TENM1: variants seen among roughly 807,000 people sequenced by gnomAD.
TENM1 encodes the protein teneurin transmembrane protein 1, also known as teneurin-1.
TENM1 carries 35 observed loss-of-function variants against 174.8 expected under a neutral mutation model. That is an observed-to-expected ratio of 0.20 (90% CI 0.15 to 0.27). The LOEUF is 0.27. TENM1 is among the 10% of genes least tolerant of loss of function. TENM1 has a pLI of 1.00. For missense variants in TENM1, 1,633 were observed against 2,130.1 expected (o/e 0.77, Z 4.59); for synonymous variants, 781 against 798.7 (o/e 0.98, Z 0.37).
the TENM1 span, among the ~76,000 whole-genome samples, chrX:125,200,615 A>G: frequency 2.0e-5 from 2 of 102,128 alleles, no homozygotes; most frequent in Non-Finnish European, 4.0e-5. Context: ...CAAGGCATTC[A>G]CAAGCAATTG....
At chrX:124,485,846 C>T (rs960117688) in intron 21 of TENM1, among the ~76,000 whole-genome samples, 1 of 111,759 alleles carries the variant, frequency 8.9e-6, no homozygotes, top group Non-Finnish European at 1.9e-5. Flanking sequence ...TCAGAATACT[C>T]TTGCTCTGAA....
Position 124,406,425 on chromosome X carries a change from T to C in TENM1, c.5047A>G (p.Ser1683Gly). The C allele has an allele frequency of 1.7e-6, 2 of 1,209,010 alleles. No homozygotes were observed. The highest frequency in any genetic ancestry group is 4.6e-4 in the Middle Eastern group (2 of 4,309). The change falls in exon 26 of 32, where the codon AGT becomes GGT. Residue 1683 changes from serine (S) to glycine (G), a missense_variant. Coordinates refer to ENST00000422452, the Ensembl canonical transcript of TENM1. ...ACTTTTGTCAGCTTCTCCAGGTCAC[T>C]GTGGAAGCTGCTGACCTCTCCAGTG...
chrX:124,959,970 A>G (rs2058630766), intron 1 of TENM1, among the ~76,000 whole-genome samples: 1 of 111,469 alleles, frequency 9.0e-6, no homozygotes, highest in African/African-American at 3.3e-5. Flanking sequence ...CCTGCATCCC[A>G]TTATTTCCAG....
chrX:124,800,130 G>A (rs192404379), intron 3 of TENM1, among the ~76,000 whole-genome samples: 1 of 111,803 alleles, frequency 8.9e-6, no homozygotes, highest in African/African-American at 3.2e-5. Flanking sequence ...ATGAGTTAGG[G>A]TGGAGTCCCT....
chrX:124,544,054 G>A (rs1475202935), intron 15 of TENM1, among the ~76,000 whole-genome samples: 1 of 112,915 alleles, frequency 8.9e-6, no homozygotes, highest in Non-Finnish European at 1.9e-5. Context: ...TTGCCGGTAG[G>A]CAAACAAGCC....
At chrX:124,574,998 A>G (rs1195106666) in intron 11 of TENM1, among the ~76,000 whole-genome samples, 1 of 112,388 alleles carries the variant, frequency 8.9e-6, no homozygotes, top group African/African-American at 3.2e-5. Flanking sequence ...ACTATAAGTC[A>G]CTGTTAACTT....
intron 3 of TENM1, among the ~76,000 whole-genome samples, chrX:124,807,167 T>C (rs922159113): frequency 9.0e-6 from 1 of 111,731 alleles, no homozygotes; most frequent in African/African-American, 3.3e-5. Flanking sequence ...AGGATGGTGC[T>C]AAGTCATTCA....
the TENM1 span, among the ~76,000 whole-genome samples, chrX:125,103,633 C>A: frequency 8.9e-6 from 1 of 112,548 alleles, no homozygotes; most frequent in East Asian, 2.8e-4. Flanking sequence ...AAGCATCTTT[C>A]TACAACTCAA....
the TENM1 span, among the ~76,000 whole-genome samples, chrX:125,131,802 C>T: frequency 7.1e-5 from 8 of 111,896 alleles, no homozygotes; most frequent in Non-Finnish European, 1.3e-4. Context: ...AGTCATTACT[C>T]TTCCAATGGT....
the TENM1 span, among the ~76,000 whole-genome samples, chrX:125,101,876 C>A: frequency 1.3e-5 from 1 of 78,975 alleles, no homozygotes; most frequent in African/African-American, 9.6e-5. Context: ...AACTGTGACC[C>A]ACATATGCCA....
chrX:124,836,197 T>C (rs1444495516), intron 3 of TENM1, among the ~76,000 whole-genome samples: 1 of 111,768 alleles, frequency 8.9e-6, no homozygotes, highest in East Asian at 2.8e-4. Context: ...ATGAGAAATA[T>C]ATTTGTTATT....
rs1262499651 is a variant in TENM1 at position 124,791,693 on chromosome X, A to C, written c.536-54496T>G. Among the ~76,000 whole-genome samples, 4 of 112,028 alleles carry C rather than the reference A, an allele frequency of 3.6e-5. No homozygotes were observed. The East Asian group carries it at 1.1e-3, about 31-fold the overall frequency. ...AAAGTGGATTTCCTGACTCTTCTACATGCAGTCACTTCACAGAATTTCACT... is the reference window on the plus strand; with the variant it reads ...AAAGTGGATTTCCTGACTCTTCTACCTGCAGTCACTTCACAGAATTTCACT... On this transcript the variant is annotated intron_variant, in intron 3 of 31. Coordinates refer to ENST00000422452, the Ensembl canonical transcript of TENM1.
the TENM1 span, among the ~76,000 whole-genome samples, chrX:125,101,003 T>C: frequency 2.7e-5 from 3 of 111,447 alleles, no homozygotes; most frequent in Non-Finnish European, 5.7e-5. Flanking sequence ...CTGTATGACC[T>C]AGAAAAAGTC....
chrX:124,768,350 A>AT (rs1324026779), intron 3 of TENM1, among the ~76,000 whole-genome samples: 1 of 111,354 alleles, frequency 9.0e-6, no homozygotes, highest in Admixed American at 9.6e-5. Flanking sequence ...TTCTTTATAC[A>AT]TTTCTCCCAT....
chrX:124,516,185 T>C (rs1305908432), intron 18 of TENM1, among the ~76,000 whole-genome samples: 1 of 111,866 alleles, frequency 8.9e-6, no homozygotes, highest in African/African-American at 3.2e-5. Flanking sequence ...ACTTACACCA[T>C]ATACACAAAT....
At chrX:124,748,564 CAAAG>C (rs1014271804) in intron 3 of TENM1, among the ~76,000 whole-genome samples, 2 of 111,015 alleles carry the variant, frequency 1.8e-5, no homozygotes, top group African/African-American at 6.5e-5. Flanking sequence ...TAGTAGAAGA[CAAAG>C]AGGAGAGTGT....
intron 1 of TENM1, among the ~76,000 whole-genome samples, chrX:124,903,484 C>G (rs2057696118): frequency 1.8e-5 from 2 of 111,990 alleles, no homozygotes; most frequent in Admixed American, 1.9e-4. Flanking sequence ...CAACTCCAAT[C>G]ATATTTAGAG....
At chrX:124,689,567 T>C (rs1490972071) in intron 5 of TENM1, among the ~76,000 whole-genome samples, 1 of 111,816 alleles carries the variant, frequency 8.9e-6, no homozygotes, top group African/African-American at 3.2e-5. Flanking sequence ...CAGGCTCTTT[T>C]TGTGTCAGAC....
the TENM1 span, among the ~76,000 whole-genome samples, chrX:125,067,697 A>G: frequency 8.9e-6 from 1 of 111,916 alleles, no homozygotes; most frequent in African/African-American, 3.2e-5. Flanking sequence ...TAACACAGCT[A>G]AAGTCTGAAC....
Sources: gnomAD v4.1 joint callset for allele counts (sites outside exome capture counted in the v4.1 genomes callset) on GRCh38, gnomAD v4.1.1 for gene constraint, MANE v1.5 for transcripts, NCBI Gene and HGNC (gene_info 2026-07-23, HGNC 2026-07-21) for gene names.